Variants in ARSB observed in about 807,000 individuals in gnomAD.
ARSB encodes the protein arylsulfatase B.
In ARSB, 41 loss-of-function variants were observed where a neutral mutation model predicts 50.9. The observed-to-expected ratio is 0.81, with a 90% CI of 0.63 to 1.04. The LOEUF (loss-of-function observed/expected upper bound fraction) is 1.04, where lower values mean the gene tolerates loss of function less well. Among genes scored for constraint, ARSB ranks in the 50% least tolerant of loss-of-function variants. The probability of loss-of-function intolerance (pLI) is 0.00; values close to 1 mark genes in which losing one functional copy is unlikely to be tolerated. For synonymous variants in ARSB, 269 were observed against 284.8 expected (o/e 0.94, Z 0.56); for missense variants, 672 against 693.3 (o/e 0.97, Z 0.35).
intron 3 of ARSB, 90 bp from the exon 4 acceptor site, chr5:78,955,592 AAAT>A (rs1462244193): frequency 9.4e-7 from 1 of 1,062,156 alleles, no homozygotes; most frequent in Non-Finnish European, 1.4e-6. Flanking sequence ...GCATTAATAA[AAAT>A]AATATCAAGA....
intron 5 of ARSB, among the ~76,000 whole-genome samples, chr5:78,848,047 T>G (rs1291101911): frequency 6.6e-6 from 1 of 151,020 alleles, no homozygotes; most frequent in East Asian, 1.9e-4. Flanking sequence ...TAGCGTGAAT[T>G]TTTTTATTTT....
At chr5:78,951,773 T>C (rs1164794555) in intron 4 of ARSB, among the ~76,000 whole-genome samples, 2 of 152,328 alleles carry the variant, frequency 1.3e-5, no homozygotes, top group East Asian at 3.9e-4. Context: ...ATTTTTTAAA[T>C]GCCTCCACAA....
At chr5:78,817,375 G>A (rs1310008253) in intron 6 of ARSB, among the ~76,000 whole-genome samples, 1 of 152,192 alleles carries the variant, frequency 6.6e-6, no homozygotes, top group South Asian at 2.1e-4. Flanking sequence ...GGACCCACTC[G>A]GCTTCAACAT....
rs191508527 is a variant in ARSB at position 78,944,867 on chromosome 5, C to T, written c.898+10428G>A. ...CTGCCTTTTGTTCAGCTATGCCCTGCCCCCAGAGGTGGAGTCTACAGAGGC... is the reference window on the plus strand; with the variant it reads ...CTGCCTTTTGTTCAGCTATGCCCTGTCCCCAGAGGTGGAGTCTACAGAGGC... On this transcript the variant is annotated intron_variant, in intron 4 of 7. Coordinates refer to ENST00000264914, the MANE Select transcript of ARSB (RefSeq NM_000046.5). Among the ~76,000 whole-genome samples the T allele has an allele frequency of 2.9e-3, 439 of 152,316 alleles. 16 individuals are homozygous for T. In the East Asian group the frequency reaches 0.057, roughly 20 times the overall value.
intron 5 of ARSB, among the ~76,000 whole-genome samples, chr5:78,847,364 T>C (rs1042056928): frequency 6.6e-6 from 1 of 152,136 alleles, no homozygotes; most frequent in African/African-American, 2.4e-5. Context: ...TAGGTTCAAG[T>C]GATCCTCCTG....
intron 6 of ARSB, among the ~76,000 whole-genome samples, chr5:78,830,461 G>A (rs951826598): frequency 6.6e-5 from 10 of 152,198 alleles, no homozygotes; most frequent in Admixed American, 5.9e-4. Flanking sequence ...GGGGCAGCGG[G>A]ATTTGCCATT....
rs79441694 is a variant in ARSB at position 78,926,769 on chromosome 5, C to T, written c.898+28526G>A. Among the ~76,000 whole-genome samples, 203 of 152,206 alleles carry T rather than the reference C, an allele frequency of 1.3e-3. 1 individual carries two copies. The highest frequency in any genetic ancestry group is 2.2e-3 in the Non-Finnish European group (152 of 68,030). ...AACTCTCAAGAGGTATGAATTACTG[C>T]AATTATGAAGCTACCATCTAAAGCA... On this transcript the variant is annotated intron_variant, in intron 4 of 7. Coordinates refer to ENST00000264914, the MANE Select transcript of ARSB (RefSeq NM_000046.5).
intron 6 of ARSB, among the ~76,000 whole-genome samples, chr5:78,835,205 T>A (rs1744897492): frequency 6.6e-6 from 1 of 152,042 alleles, no homozygotes; most frequent in Non-Finnish European, 1.5e-5. Flanking sequence ...ACTGTTAGTA[T>A]CCAAGCCACA....
chr5:78,828,083 T>TA (rs1013506693), intron 6 of ARSB, among the ~76,000 whole-genome samples: 1 of 151,904 alleles, frequency 6.6e-6, no homozygotes, highest in African/African-American at 2.4e-5. Flanking sequence ...ATAAAGAGTA[T>TA]AAAAAAAATC....
chr5:78,807,920 C>T (rs574581147), intron 6 of ARSB, among the ~76,000 whole-genome samples: 2 of 150,894 alleles, frequency 1.3e-5, no homozygotes, highest in Non-Finnish European at 3.0e-5. Context: ...GGTGAAACCC[C>T]GTCTCTACTA....
At chr5:78,848,580 C>T (rs183873836) in intron 5 of ARSB, among the ~76,000 whole-genome samples, 291 of 150,342 alleles carry the variant, frequency 1.9e-3, no homozygotes, top group South Asian at 4.4e-3. Flanking sequence ...GTATATACCC[C>T]GTAATGGGAT....
intron 6 of ARSB, among the ~76,000 whole-genome samples, chr5:78,792,150 G>A (rs1262738855): frequency 3.3e-5 from 5 of 152,058 alleles, no homozygotes; most frequent in South Asian, 2.1e-4. Flanking sequence ...AGGCTGAGGC[G>A]GGCAGATCAC....
intron 5 of ARSB, among the ~76,000 whole-genome samples, chr5:78,850,207 G>A (rs1396165070): frequency 1.3e-5 from 2 of 152,230 alleles, no homozygotes; most frequent in South Asian, 2.1e-4. Context: ...GTCATAGATA[G>A]CTCTTATTAT....
At chr5:78,963,349 C>A (rs1262249696) in intron 3 of ARSB, among the ~76,000 whole-genome samples, 1 of 152,198 alleles carries the variant, frequency 6.6e-6, no homozygotes, top group Non-Finnish European at 1.5e-5. Context: ...AATTACCCAG[C>A]CTCAGCTATT....
chr5:78,879,121 T>C (rs1747625874), intron 5 of ARSB, among the ~76,000 whole-genome samples: 1 of 152,254 alleles, frequency 6.6e-6, no homozygotes, highest in Admixed American at 6.5e-5. Flanking sequence ...CCCATAGTGC[T>C]GGGATTATAG....
intron 4 of ARSB, among the ~76,000 whole-genome samples, chr5:78,921,809 T>G (rs1192472166): frequency 6.6e-6 from 1 of 152,154 alleles, no homozygotes; most frequent in African/African-American, 2.4e-5. Context: ...AAAGAGGCAT[T>G]GAAGAGGGTA....
At chr5:78,901,424 A>G (rs1358723937) in intron 4 of ARSB, among the ~76,000 whole-genome samples, 1 of 152,206 alleles carries the variant, frequency 6.6e-6, no homozygotes, top group Non-Finnish European at 1.5e-5. Context: ...TCCAATTTCA[A>G]GAACTACTAT....
intron 6 of ARSB, among the ~76,000 whole-genome samples, chr5:78,785,000 A>G (rs925256993): frequency 1.3e-5 from 2 of 151,926 alleles, no homozygotes; most frequent in Admixed American, 1.3e-4. Flanking sequence ...GAGTTTCACC[A>G]TGTTGGCCAG....
chr5:78,952,202 CT>C (rs1453207719), intron 4 of ARSB, among the ~76,000 whole-genome samples: 2 of 75,480 alleles, frequency 2.6e-5, no homozygotes, highest in Non-Finnish European at 3.7e-5. Flanking sequence ...AGTCAACTAT[CT>C]GTTTGAAAGT....
Sources: allele counts gnomAD v4.1 joint callset (sites outside exome capture counted in the v4.1 genomes callset), GRCh38; gene constraint gnomAD v4.1.1; transcripts MANE v1.5; gene names NCBI Gene and HGNC (gene_info 2026-07-23, HGNC 2026-07-21).